Variants in KCTD16 observed in about 807,000 individuals in gnomAD.
KCTD16 encodes potassium channel tetramerization domain containing 16.
In KCTD16, 13 loss-of-function variants were observed where a neutral mutation model predicts 33.2. The ratio of observed to expected loss-of-function variants is 0.39; its 90% CI spans 0.25 to 0.62. KCTD16 has a LOEUF of 0.62. KCTD16 is among the 20% of genes least tolerant of loss of function. The probability of loss-of-function intolerance (pLI) is 0.50; values close to 1 mark genes in which losing one functional copy is unlikely to be tolerated. For missense variants in KCTD16, 441 were observed against 525.1 expected (o/e 0.84, Z 1.57); for synonymous variants, 197 against 195.3 (o/e 1.01, Z -0.07).
intron 3 of KCTD16, among the ~76,000 whole-genome samples, chr5:144,322,984 T>C (rs1384867197): frequency 1.3e-5 from 2 of 152,140 alleles, no homozygotes; most frequent in Non-Finnish European, 2.9e-5. Flanking sequence ...TATGGGCCCA[T>C]TGATCCATTG....
intron 3 of KCTD16, among the ~76,000 whole-genome samples, chr5:144,281,076 G>T (rs920829136): frequency 1.3e-5 from 2 of 149,674 alleles, no homozygotes; most frequent in Non-Finnish European, 3.0e-5. Context: ...CAGCTACTCG[G>T]GAGGCTGAAG....
In KCTD16 at chr5:144,404,802, C is replaced by T. The variant is rs145985246; in HGVS notation, c.833-68858C>T. ...CTAGAAATAAATGTTAAGGTGCCTT[C>T]CTGGTCCCTGGATTTCATCTACACA... is the stretch of plus-strand genomic sequence containing the variant. On this transcript the variant is annotated intron_variant, in intron 3 of 3. Transcript: ENST00000512467. 4.1e-4 allele frequency among the ~76,000 whole-genome samples: 62 copies of T among 151,630 alleles called. 1 individual carries two copies. In the East Asian group the frequency reaches 0.011, roughly 27 times the overall value.
intron 3 of KCTD16, among the ~76,000 whole-genome samples, chr5:144,386,275 C>T (rs953947122): frequency 1.3e-5 from 2 of 152,124 alleles, no homozygotes; most frequent in African/African-American, 4.8e-5. Flanking sequence ...AATGGCAGCT[C>T]CATCACTAAA....
At chr5:144,280,879 G>A (rs570241467) in intron 3 of KCTD16, among the ~76,000 whole-genome samples, 59 of 134,466 alleles carry the variant, frequency 4.4e-4, no homozygotes, top group African/African-American at 1.5e-3. Context: ...GTGAAACCCC[G>A]GTCTCTACTA....
At chr5:144,348,059 A>T (rs956620045) in intron 3 of KCTD16, among the ~76,000 whole-genome samples, 1 of 152,280 alleles carries the variant, frequency 6.6e-6, no homozygotes, top group South Asian at 2.1e-4. Context: ...TTTTCTGGGG[A>T]TATAACTTAC....
intron 3 of KCTD16, among the ~76,000 whole-genome samples, chr5:144,251,261 G>A (rs1754693338): frequency 6.6e-6 from 1 of 152,118 alleles, no homozygotes; most frequent in South Asian, 2.1e-4. Flanking sequence ...GTGGTGTGTT[G>A]TTTAAAAGGG....
intron 3 of KCTD16, among the ~76,000 whole-genome samples, chr5:144,231,861 C>A (rs1262236979): frequency 1.3e-5 from 2 of 152,128 alleles, no homozygotes; most frequent in African/African-American, 2.4e-5. Context: ...AACCTTTTTC[C>A]TTCATAAATT....
At chr5:144,394,191 C>T (rs527969235) in intron 3 of KCTD16, among the ~76,000 whole-genome samples, 20 of 152,284 alleles carry the variant, frequency 1.3e-4, no homozygotes, top group African/African-American at 4.6e-4. Flanking sequence ...AATCTACCTA[C>T]TCACTGGGTG....
intron 3 of KCTD16, among the ~76,000 whole-genome samples, chr5:144,282,761 A>G (rs1755641056): frequency 6.6e-6 from 1 of 152,140 alleles, no homozygotes; most frequent in Admixed American, 6.5e-5. Context: ...CAGTCTTATG[A>G]CTGGGTCTGA....
intron 3 of KCTD16, among the ~76,000 whole-genome samples, chr5:144,424,651 C>T (rs189271803): frequency 1.8e-4 from 27 of 152,170 alleles, no homozygotes; most frequent in Admixed American, 1.2e-3. Flanking sequence ...AATTCAAGAG[C>T]GTGGCTTTGG....
chr5:144,261,854 A>G (rs1471205194), intron 3 of KCTD16, among the ~76,000 whole-genome samples: 1 of 152,236 alleles, frequency 6.6e-6, no homozygotes, highest in Non-Finnish European at 1.5e-5. Context: ...CTTCTCACTT[A>G]TCTGTCCCAA....
chr5:144,266,025 A>G (rs1162017065), intron 3 of KCTD16, among the ~76,000 whole-genome samples: 4 of 152,028 alleles, frequency 2.6e-5, no homozygotes, highest in East Asian at 1.9e-4. Flanking sequence ...GGATATTAAC[A>G]TTACTTTTAA....
intron 3 of KCTD16, among the ~76,000 whole-genome samples, chr5:144,300,965 C>T (rs548086512): frequency 1.8e-4 from 27 of 152,004 alleles, no homozygotes; most frequent in South Asian, 8.3e-4. Context: ...ATTACGGGCA[C>T]GGCACAGTGG....
rs920476088 is a variant in KCTD16 at position 144,479,332 on chromosome 5, A to T, written c.*5218A>T. On this transcript the variant is annotated 3_prime_UTR_variant, in exon 4 of 4. Coordinates refer to ENST00000512467, the MANE Select transcript of KCTD16 (RefSeq NM_020768.4). ...TCCTGAACCCTGACATTAACTAAAA[A>T]CTTGAAGCCAAACTGATGTGTAAGA... The T allele has an allele frequency of 6.7e-6, 1 of 150,262 alleles. No homozygotes were observed. The highest frequency in any genetic ancestry group is 2.4e-5 in the African/African-American group (1 of 41,036). 9.3% of individuals were successfully genotyped at this position (150,262 alleles called of 1,614,324 possible).
In KCTD16 at chr5:144,370,588, G is replaced by C. The variant is rs546193050; in HGVS notation, c.833-103072G>C. 2.0e-5 allele frequency among the ~76,000 whole-genome samples: 3 copies of C among 152,248 alleles called. No individual in the cohort carries two copies. The South Asian group carries it at 6.2e-4, about 32-fold the overall frequency. On this transcript the variant is annotated intron_variant, in intron 3 of 3. Coordinates refer to ENST00000512467, the MANE Select transcript of KCTD16 (RefSeq NM_020768.4). ...TGGAAAAGTTAAATGATTTTTCCAA[G>C]GTCTCACAGATAACTAATGCCAAGG...
At chr5:144,234,498 C>G (rs949941965) in intron 3 of KCTD16, among the ~76,000 whole-genome samples, 1 of 152,096 alleles carries the variant, frequency 6.6e-6, no homozygotes, top group Non-Finnish European at 1.5e-5. Context: ...CAATTTCACT[C>G]AAATGCTGAA....
chr5:144,313,311 C>T (rs972470994), intron 3 of KCTD16, among the ~76,000 whole-genome samples: 4 of 152,154 alleles, frequency 2.6e-5, no homozygotes, highest in Admixed American at 6.6e-5. Context: ...CATAACCAGC[C>T]ATTCACAAAG....
intron 3 of KCTD16, among the ~76,000 whole-genome samples, chr5:144,446,852 A>G (rs1382886699): frequency 2.0e-5 from 3 of 152,182 alleles, no homozygotes; most frequent in Admixed American, 6.5e-5. Flanking sequence ...CAAAACCACA[A>G]TGAGATACTA....
intron 3 of KCTD16, among the ~76,000 whole-genome samples, chr5:144,386,039 G>A (rs1354211028): frequency 1.3e-5 from 2 of 152,102 alleles, no homozygotes; most frequent in African/African-American, 4.8e-5. Context: ...ATGTAAGCTT[G>A]TTGCCACTCA....
Sources: allele counts gnomAD v4.1 joint callset (sites outside exome capture counted in the v4.1 genomes callset), GRCh38; gene constraint gnomAD v4.1.1; transcripts MANE v1.5; gene names NCBI Gene and HGNC (gene_info 2026-07-23, HGNC 2026-07-21).